The following TENM3 variants were observed in gnomAD, a reference collection of about 807,000 sequenced individuals.
TENM3 encodes teneurin-3.
Under a neutral mutation model 255.1 loss-of-function variants are expected in TENM3, and 63 were observed. That is an observed-to-expected ratio of 0.25 (90% CI 0.20 to 0.30). The LOEUF is 0.30. Among genes scored for constraint, TENM3 ranks in the 10% least tolerant of loss-of-function variants. TENM3 has a pLI of 1.00. For missense variants in TENM3, 2,929 were observed against 3,461.1 expected (o/e 0.85, Z 3.86); for synonymous variants, 1,306 against 1,322.3 (o/e 0.99, Z 0.27).
At chr4:182,298,111 T>C (rs1388912382) in intron 1 of TENM3, among the ~76,000 whole-genome samples, 2 of 152,240 alleles carry the variant, frequency 1.3e-5, no homozygotes, top group Non-Finnish European at 2.9e-5. Context: ...TTCTACATTT[T>C]AGGAACCTGA....
Position 182,522,632 on chromosome 4 carries a change from A to G in TENM3, c.512-78292A>G, listed in dbSNP as rs537450223. Among the ~76,000 whole-genome samples, 3 of 152,354 alleles carry G rather than the reference A, an allele frequency of 2.0e-5. No homozygotes were observed. In the South Asian group the frequency reaches 6.2e-4, roughly 32 times the overall value. On this transcript the variant is annotated intron_variant, in intron 3 of 27. Transcript: ENST00000511685. Reference sequence around the variant, plus strand: ...AAGTTCTAGGATACATGTGTAGAACATGCAGGTTGGTTACATAGGTTACGT... The same window carrying G: ...AAGTTCTAGGATACATGTGTAGAACGTGCAGGTTGGTTACATAGGTTACGT...
At chr4:181,861,251 G>A in the TENM3 span, among the ~76,000 whole-genome samples, 1 of 152,088 alleles carries the variant, frequency 6.6e-6, no homozygotes, top group Non-Finnish European at 1.5e-5. Flanking sequence ...TAATTTTGTT[G>A]GCATTATTAG....
intron 24 of TENM3, among the ~76,000 whole-genome samples, chr4:182,788,714 G>T (rs1237582255): frequency 6.6e-6 from 1 of 152,210 alleles, no homozygotes; most frequent in East Asian, 1.9e-4. Context: ...ATGTAGCCAT[G>T]ATTAATTTAC....
the TENM3 span, among the ~76,000 whole-genome samples, chr4:181,596,488 C>T: frequency 6.6e-6 from 1 of 152,136 alleles, no homozygotes; most frequent in African/African-American, 2.4e-5. Flanking sequence ...AGGTCTCTAC[C>T]ATTCACACCA....
At chr4:181,976,092 T>G in the TENM3 span, 2 of 152,236 alleles carry the variant, frequency 1.3e-5, no homozygotes, top group African/African-American at 4.8e-5. Context: ...CATATTGGGA[T>G]TAGGCCTACC....
At chr4:181,830,703 G>A in the TENM3 span, among the ~76,000 whole-genome samples, 1 of 152,124 alleles carries the variant, frequency 6.6e-6, no homozygotes, top group Non-Finnish European at 1.5e-5. Flanking sequence ...CTTGCTGTGT[G>A]CCTGCCACAC....
chr4:181,823,998 TAAA>T, the TENM3 span, among the ~76,000 whole-genome samples: 1 of 152,160 alleles, frequency 6.6e-6, no homozygotes, highest in Admixed American at 6.6e-5. Flanking sequence ...TGGTGCATCC[TAAA>T]AAGATACAGA....
At chr4:181,669,186 A>G in the TENM3 span, among the ~76,000 whole-genome samples, 2 of 152,180 alleles carry the variant, frequency 1.3e-5, no homozygotes, top group African/African-American at 4.8e-5. Flanking sequence ...GGTAACAATA[A>G]TAGTTAAGAT....
the TENM3 span, among the ~76,000 whole-genome samples, chr4:181,605,550 GAAAGAAAGAAAGAA>G: frequency 4.1e-3 from 116 of 28,576 alleles, 16 homozygotes; most frequent in African/African-American, 6.3e-3. Flanking sequence ...AAGAAAGAAA[GAAAGAAAGAAAGAA>G]AGAAAGAGAG....
intron 18 of TENM3, among the ~76,000 whole-genome samples, chr4:182,740,422 A>T (rs1263376212): frequency 6.6e-6 from 1 of 152,266 alleles, no homozygotes; most frequent in Non-Finnish European, 1.5e-5. Context: ...ATGCGAAGCC[A>T]TATGGCAAAC....
the TENM3 span, among the ~76,000 whole-genome samples, chr4:182,054,097 T>G: frequency 6.6e-6 from 1 of 152,174 alleles, no homozygotes; most frequent in Non-Finnish European, 1.5e-5. Context: ...CATTTACCTT[T>G]TCAAACTTAT....
chr4:182,417,018 GGCTGGAGT>G (rs1297692985), intron 3 of TENM3, among the ~76,000 whole-genome samples: 1 of 152,138 alleles, frequency 6.6e-6, no homozygotes, highest in East Asian at 1.9e-4. Flanking sequence ...CTGTCGCCCA[GGCTGGAGT>G]GCGGTGGTGC....
intron 3 of TENM3, among the ~76,000 whole-genome samples, chr4:182,395,050 A>T (rs1224793937): frequency 6.6e-6 from 1 of 152,200 alleles, no homozygotes; most frequent in African/African-American, 2.4e-5. Flanking sequence ...GTTTGGCATT[A>T]GAGGGCTTTT....
intron 1 of TENM3, among the ~76,000 whole-genome samples, chr4:182,283,270 T>G (rs188463677): frequency 5.3e-5 from 8 of 152,344 alleles, no homozygotes; most frequent in Middle Eastern, 3.4e-3. Flanking sequence ...CTTTTCTTCA[T>G]GTTAAATTGA....
chr4:182,353,682 A>C (rs1765330437), intron 3 of TENM3, among the ~76,000 whole-genome samples: 1 of 152,188 alleles, frequency 6.6e-6, no homozygotes, highest in Admixed American at 6.5e-5. Context: ...GTTATGATTT[A>C]ACTGGCTGGG....
At chr4:182,367,292 C>A (rs1032568386) in intron 3 of TENM3, among the ~76,000 whole-genome samples, 2 of 152,088 alleles carry the variant, frequency 1.3e-5, no homozygotes, top group African/African-American at 4.8e-5. Flanking sequence ...CTGGAGAGAT[C>A]CTCTTGGGAA....
the TENM3 span, among the ~76,000 whole-genome samples, chr4:181,910,537 CAAA>C: frequency 9.3e-6 from 1 of 107,736 alleles, no homozygotes. Context: ...GACTCCATCT[CAAA>C]AAAAAAAAAA....
At chr4:181,584,661 C>T in the TENM3 span, among the ~76,000 whole-genome samples, 2 of 152,226 alleles carry the variant, frequency 1.3e-5, no homozygotes, top group South Asian at 2.1e-4. Flanking sequence ...CTAGGCTACC[C>T]CAGGACTCAA....
At chr4:182,318,608 G>A (rs2675534) in intron 1 of TENM3, among the ~76,000 whole-genome samples, 25,073 of 152,130 alleles carry the variant, frequency 0.16, 2,313 homozygotes, top group Middle Eastern at 0.23. Flanking sequence ...TTGGGAAGAA[G>A]CAAATAACCA....
Sources: allele counts gnomAD v4.1 joint callset (sites outside exome capture counted in the v4.1 genomes callset), GRCh38; gene constraint gnomAD v4.1.1; transcripts MANE v1.5; gene names NCBI Gene and HGNC (gene_info 2026-07-23, HGNC 2026-07-21).